The following GLYATL2 variants were observed in gnomAD, a reference collection of about 807,000 sequenced individuals.
The protein encoded by GLYATL2 is glycine-N-acyltransferase like 2, also known as glycine N-acyltransferase-like protein 2.
Under a neutral mutation model 21.4 loss-of-function variants are expected in GLYATL2, and 25 were observed. That is an observed-to-expected ratio of 1.17 (90% CI 0.85 to 1.63). GLYATL2 has a LOEUF of 1.63. Among genes scored for constraint, GLYATL2 ranks in the 40% most tolerant of loss-of-function variants. GLYATL2 has a pLI of 0.00. For synonymous variants in GLYATL2, 114 were observed against 118.2 expected (o/e 0.96, Z 0.23); for missense variants, 361 against 343.3 (o/e 1.05, Z -0.41).
intron 1 of GLYATL2, among the ~76,000 whole-genome samples, chr11:58,858,431 AC>A (rs1279074607): frequency 6.6e-6 from 1 of 151,130 alleles, no homozygotes; most frequent in African/African-American, 2.4e-5. Context: ...AAATTTTTAC[AC>A]CTTTCTTCTG....
chr11:58,854,773 G>A (rs1420098361), intron 1 of GLYATL2, among the ~76,000 whole-genome samples: 2 of 152,284 alleles, frequency 1.3e-5, no homozygotes, highest in South Asian at 2.1e-4. Flanking sequence ...CCTCGCTACA[G>A]CTTTATCAAA....
chr11:58,870,102 T>C (rs777024946), intron 1 of GLYATL2, among the ~76,000 whole-genome samples: 1 of 151,502 alleles, frequency 6.6e-6, no homozygotes, highest in Non-Finnish European at 1.5e-5. Flanking sequence ...AGGGAGACCC[T>C]GTAAAAAAAA....
At chr11:58,877,581 G>A (rs1009232916) in intron 1 of GLYATL2, among the ~76,000 whole-genome samples, 11 of 152,356 alleles carry the variant, frequency 7.2e-5, no homozygotes, top group Admixed American at 5.9e-4. Flanking sequence ...GAAGTAACAA[G>A]TGAAGTTAAA....
intron 1 of GLYATL2, among the ~76,000 whole-genome samples, chr11:58,900,979 A>G (rs1854728701): frequency 6.6e-6 from 1 of 152,216 alleles, no homozygotes; most frequent in Non-Finnish European, 1.5e-5. Context: ...TGGCGCCATC[A>G]GCTGGCAGCA....
At chr11:58,873,496 G>T (rs990740128) in intron 1 of GLYATL2, among the ~76,000 whole-genome samples, 1 of 152,132 alleles carries the variant, frequency 6.6e-6, no homozygotes, top group Admixed American at 6.6e-5. Flanking sequence ...TTAGCATGAA[G>T]GGCTGTTGAA....
chr11:58,904,092 T>A (rs541557987), intron 1 of GLYATL2: 5 of 152,296 alleles, frequency 3.3e-5, no homozygotes, highest in African/African-American at 1.2e-4. Context: ...CACAAGCCAA[T>A]TCCATGGGCT....
intron 1 of GLYATL2, among the ~76,000 whole-genome samples, chr11:58,875,519 T>TAA (rs1277535480): frequency 1.3e-5 from 2 of 152,226 alleles, no homozygotes; most frequent in Non-Finnish European, 2.9e-5. Context: ...TGCTTGCCTG[T>TAA]AAAGTATTTT....
At chr11:58,901,370 TTGA>T (rs1854737524) in intron 1 of GLYATL2, among the ~76,000 whole-genome samples, 1 of 152,198 alleles carries the variant, frequency 6.6e-6, no homozygotes, top group Non-Finnish European at 1.5e-5. Context: ...GGTAGTTATG[TTGA>T]TGTCCGGATT....
At chr11:58,843,225 G>T (rs1853584676) in intron 1 of GLYATL2, among the ~76,000 whole-genome samples, 1 of 152,164 alleles carries the variant, frequency 6.6e-6, no homozygotes, top group Non-Finnish European at 1.5e-5. Context: ...CCTGGAAGAG[G>T]TAAAATTTTT....
intron 2 of GLYATL2, 47 bp from the exon 3 acceptor site, chr11:58,838,415 A>G (rs1421287751): frequency 1.7e-6 from 2 of 1,164,606 alleles, no homozygotes; most frequent in Non-Finnish European, 2.6e-6. Context: ...TTCTTCTCCA[A>G]TATAGAGTCT....
At chr11:58,892,720 G>A in intron 1 of GLYATL2, 1 of 353,178 alleles carries the variant, frequency 2.8e-6, no homozygotes, top group South Asian at 7.2e-5. Flanking sequence ...AGTCAGTGAA[G>A]GTAGAGCATT....
Position 58,899,612 on chromosome 11 carries a change from C to G in GLYATL2, n.60+4544G>C, listed in dbSNP as rs556939980. ...GCCTCCACAAAAGACTGGCATTTGA[C>G]AGACAGCTGCAGAAAGAAGGAACAG... On this transcript the variant is annotated intron_variant and non_coding_transcript_variant, in intron 1 of 4. Coordinates refer to the GLYATL2 transcript ENST00000533636. 1.6e-3 allele frequency among the ~76,000 whole-genome samples: 241 copies of G among 152,084 alleles called. 1 individual carries two copies. The highest frequency in any genetic ancestry group is 3.0e-3 in the Non-Finnish European group (207 of 67,992).
chr11:58,879,717 T>C (rs1364409930), intron 1 of GLYATL2, among the ~76,000 whole-genome samples: 2 of 152,134 alleles, frequency 1.3e-5, no homozygotes, highest in African/African-American at 4.8e-5. Flanking sequence ...ACAGTTTCTG[T>C]TTGAGATGAC....
chr11:58,849,527 C>A (rs1853702691), upstream of GLYATL2, among the ~76,000 whole-genome samples: 1 of 152,164 alleles, frequency 6.6e-6, no homozygotes, highest in South Asian at 2.1e-4. Context: ...AGACCAATAG[C>A]AAGACACAAG....
intron 1 of GLYATL2, among the ~76,000 whole-genome samples, chr11:58,853,016 G>A (rs1490848454): frequency 2.0e-5 from 3 of 152,148 alleles, no homozygotes; most frequent in Non-Finnish European, 4.4e-5. Context: ...TTTATTTGGT[G>A]TTTCTTTGAT....
chr11:58,863,531 C>A (rs953813262), intron 1 of GLYATL2, among the ~76,000 whole-genome samples: 1 of 152,120 alleles, frequency 6.6e-6, no homozygotes, highest in Non-Finnish European at 1.5e-5. Flanking sequence ...ACAGCTGGAC[C>A]CTGAGTTTAT....
At chr11:58,844,740 C>A (rs1484280082), upstream of GLYATL2, 1 of 152,144 alleles carries the variant, frequency 6.6e-6, no homozygotes, top group Admixed American at 6.6e-5. Flanking sequence ...TTATATATAA[C>A]CTCTTGTAGC....
At chr11:58,852,156 T>G (rs1402542652) in intron 1 of GLYATL2, among the ~76,000 whole-genome samples, 1 of 152,230 alleles carries the variant, frequency 6.6e-6, no homozygotes, top group African/African-American at 2.4e-5. Flanking sequence ...TGTTTACTTC[T>G]GGCAGAACTT....
chr11:58,891,164 A>C (rs1268043025), intron 1 of GLYATL2, among the ~76,000 whole-genome samples: 1 of 152,184 alleles, frequency 6.6e-6, no homozygotes, highest in Non-Finnish European at 1.5e-5. Context: ...AGGTTTCTTT[A>C]AAATTAGTTA....
Sources: gnomAD v4.1 joint callset for allele counts (sites outside exome capture counted in the v4.1 genomes callset) on GRCh38, gnomAD v4.1.1 for gene constraint, MANE v1.5 for transcripts, NCBI Gene and HGNC (gene_info 2026-07-23, HGNC 2026-07-21) for gene names.